KHDRBS1: variants seen among roughly 807,000 people sequenced by gnomAD.
The protein encoded by KHDRBS1 is KH domain-containing, RNA-binding, signal transduction-associated protein 1.
Under a neutral mutation model 48.4 loss-of-function variants are expected in KHDRBS1, and 7 were observed. The ratio of observed to expected loss-of-function variants is 0.14; its 90% CI spans 0.08 to 0.27. The LOEUF is 0.27. Ranked by LOEUF, KHDRBS1 falls within the 10% of genes least tolerant of loss-of-function variation. The pLI is 1.00. For missense variants in KHDRBS1, 458 were observed against 601.2 expected, an observed-to-expected ratio of 0.76 and a Z score of 2.49; for synonymous variants, 241 against 235.8, an observed-to-expected ratio of 1.02 and a Z score of -0.20.
chr1:32,039,001 A>T (rs1639235367), intron 7 of KHDRBS1, among the ~76,000 whole-genome samples: 1 of 152,226 alleles, frequency 6.6e-6, no homozygotes, highest in African/African-American at 2.4e-5. Context: ...AAATGCCTTT[A>T]TGTTATTTTG....
intron 8 of KHDRBS1, among the ~76,000 whole-genome samples, chr1:32,040,439 C>G (rs1197835559): frequency 2.0e-5 from 3 of 151,970 alleles, no homozygotes; most frequent in African/African-American, 4.8e-5. Context: ...CTATTAGAAT[C>G]AGATTAGAGG....
intron 4 of KHDRBS1, 57 bp downstream of exon 4, chr1:32,033,391 G>C: frequency 1.3e-6 from 2 of 1,598,238 alleles, no homozygotes; most frequent in South Asian, 2.2e-5. Flanking sequence ...ATCTTATACT[G>C]TTGTGAAGGT....
At chr1:32,033,403 G>C in intron 4 of KHDRBS1, 69 bp downstream of exon 4, 2 of 1,585,798 alleles carry the variant, frequency 1.3e-6, no homozygotes, top group South Asian at 1.1e-5. Context: ...TGTGAAGGTA[G>C]GGGTTCTTAA....
At position 32,030,841 on chromosome 1, in the gene KHDRBS1, CT is replaced by C. The variant is rs777371667; in HGVS notation, c.507+432del. ...TTTTAAGTAAATGCTTTTTTTCTTC[CT>C]TTTTTTTTTTTTAGGAAAGCATTTA... is the stretch of plus-strand genomic sequence containing the variant. On this transcript the variant is annotated intron_variant, in intron 2 of 8. Transcript: ENST00000327300. 3.2e-3 allele frequency among the ~76,000 whole-genome samples: 453 copies of C among 140,838 alleles called. 1 individual carries two copies. The highest frequency in any genetic ancestry group is 3.7e-3 in the Middle Eastern group (1 of 272). The allele number at this position is 140,838 out of a possible 152,430, so 92.4% of individuals were successfully genotyped here. A position where few individuals can be genotyped will look rare whatever the true frequency, so the allele number is the denominator to read the frequency against.
rs1307392501 is a variant in KHDRBS1 at position 32,043,404 on chromosome 1, G to A, written c.*780G>A. 6.6e-6 allele frequency: 1 copy of A among 152,594 alleles called. No homozygotes were observed. The highest frequency in any genetic ancestry group is 1.5e-5 in the Non-Finnish European group (1 of 68,030). The allele number at this position is 152,594 out of a possible 1,614,324, so 9.5% of individuals were successfully genotyped here. A position where few individuals can be genotyped will look rare whatever the true frequency, so the allele number is the denominator to read the frequency against. Reference sequence around the variant, plus strand: ...AGAGGGAGGGAGTAGGTTTTGAAGAGGTTGATGGTGGTGGGGAGGGAAGGC... The same window carrying A: ...AGAGGGAGGGAGTAGGTTTTGAAGAAGTTGATGGTGGTGGGGAGGGAAGGC... On this transcript the variant is annotated 3_prime_UTR_variant, in exon 9 of 9. Transcript: ENST00000327300.
intron 4 of KHDRBS1, among the ~76,000 whole-genome samples, chr1:32,035,527 G>A (rs1639162137): frequency 6.6e-6 from 1 of 152,220 alleles, no homozygotes. Context: ...TCTTGTGGAG[G>A]AAAGAAAAGT....
At chr1:32,035,235 A>G (rs1158820096) in intron 4 of KHDRBS1, among the ~76,000 whole-genome samples, 2 of 152,092 alleles carry the variant, frequency 1.3e-5, no homozygotes, top group African/African-American at 4.8e-5. Flanking sequence ...TTTGAAAAAG[A>G]TGCTTGCCGG....
intron 4 of KHDRBS1, among the ~76,000 whole-genome samples, chr1:32,033,850 GT>G (rs1639127024): frequency 6.6e-6 from 1 of 152,188 alleles, no homozygotes; most frequent in African/African-American, 2.4e-5. Flanking sequence ...GACGAGTTTA[GT>G]TTGGAAGAGG....
intron 10 of KHDRBS1, among the ~76,000 whole-genome samples, chr1:32,049,078 G>A (rs940227867): frequency 1.3e-5 from 2 of 149,788 alleles, no homozygotes; most frequent in African/African-American, 2.5e-5. Context: ...TTTTTGAGAC[G>A]GGGTGTTGCT....
At chr1:32,036,163 A>ATTTTTTTT (rs397742842) in intron 4 of KHDRBS1, among the ~76,000 whole-genome samples, 2 of 60,470 alleles carry the variant, frequency 3.3e-5, no homozygotes, top group African/African-American at 1.5e-4. Context: ...CATTTTGAAG[A>ATTTTTTTT]TTTTTTTTTT....
At chr1:32,056,449 G>A (rs1451027947) in intron 10 of KHDRBS1, among the ~76,000 whole-genome samples, 7 of 152,180 alleles carry the variant, frequency 4.6e-5, no homozygotes, top group Admixed American at 4.6e-4. Flanking sequence ...TCTTAATATT[G>A]CATTAAGATG....
At chr1:32,059,132 G>C (rs1639514106) in intron 10 of KHDRBS1, among the ~76,000 whole-genome samples, 1 of 136,030 alleles carries the variant, frequency 7.4e-6, no homozygotes. Context: ...CTGCACTCCA[G>C]CCTGAGTGAC....
At chr1:32,059,165 G>GGA (rs1639514629) in intron 10 of KHDRBS1, among the ~76,000 whole-genome samples, 1 of 45,996 alleles carries the variant, frequency 2.2e-5, no homozygotes. Flanking sequence ...TGTCTCAGGA[G>GGA]AAAAAAAAAA....
At chr1:32,020,370 G>A (rs961566674) in intron 1 of KHDRBS1, among the ~76,000 whole-genome samples, 2 of 151,940 alleles carry the variant, frequency 1.3e-5, no homozygotes, top group Non-Finnish European at 2.9e-5. Context: ...AGGCTGCCTT[G>A]AGCTGAGATC....
intron 10 of KHDRBS1, among the ~76,000 whole-genome samples, chr1:32,049,114 G>T (rs1639388382): frequency 6.6e-6 from 1 of 151,558 alleles, no homozygotes; most frequent in Non-Finnish European, 1.5e-5. Context: ...GAGTGCAGTG[G>T]TGCGATCTCA....
At chr1:32,025,292 CT>C (rs576339772) in intron 1 of KHDRBS1, among the ~76,000 whole-genome samples, 535 of 92,064 alleles carry the variant, frequency 5.8e-3, no homozygotes, top group African/African-American at 0.019. Flanking sequence ...TCGGCTCCTC[CT>C]TTTTTTTTTT....
At position 32,038,611 on chromosome 1, in the gene KHDRBS1, G is replaced by C; in HGVS notation, c.1167G>C (p.Gln389His). ...AAGGCTACGAAGGCTATTACAGCCAGAGTCAAGGGTGAGTCAGGCAGTATA... is the reference window on the plus strand; with the variant it reads ...AAGGCTACGAAGGCTATTACAGCCACAGTCAAGGGTGAGTCAGGCAGTATA... The part of the protein sequence containing the change: ...SYEGYEGYYS[Q>H]SQGDSEYYDY... Residue 389 changes from glutamine (Q) to histidine (H), a missense_variant, in exon 7 of 9, where the codon CAG becomes CAC. By Grantham distance (24) the Gln-to-His change is conservative (BLOSUM62 0). Transcript: ENST00000327300. The C allele has an allele frequency of 6.2e-7, 1 of 1,614,018 alleles. No homozygotes were observed. Among genetic ancestry groups the C allele is most frequent in the Non-Finnish European group, 8.5e-7 (1 of 1,179,946 alleles).
chr1:32,045,113 C>T (rs141988651), downstream of KHDRBS1, among the ~76,000 whole-genome samples: 4 of 152,240 alleles, frequency 2.6e-5, no homozygotes, highest in East Asian at 7.7e-4. Context: ...CCTGCTGCAC[C>T]CCAAAAGCTT....
At chr1:32,026,249 G>C (rs933996854) in intron 1 of KHDRBS1, among the ~76,000 whole-genome samples, 1 of 151,992 alleles carries the variant, frequency 6.6e-6, no homozygotes, top group Admixed American at 6.6e-5. Flanking sequence ...GCTCACTACA[G>C]CCTCCAACTG....
Sources: allele counts gnomAD v4.1 joint callset (sites outside exome capture counted in the v4.1 genomes callset), GRCh38; gene constraint gnomAD v4.1.1; transcripts MANE v1.5; gene names NCBI Gene and HGNC (gene_info 2026-07-23, HGNC 2026-07-21).